NKD1: variants seen among roughly 807,000 people sequenced by gnomAD.
NKD1 encodes the protein NKD inhibitor of Wnt signaling pathway 1, also known as protein naked cuticle homolog 1.
Under a neutral mutation model 56.0 loss-of-function variants are expected in NKD1, and 21 were observed. The observed-to-expected ratio is 0.38, with a 90% confidence interval of 0.27 to 0.54. The LOEUF (loss-of-function observed/expected upper bound fraction) is 0.54. Among genes scored for constraint, NKD1 ranks in the 20% least tolerant of loss-of-function variants. The probability of loss-of-function intolerance (pLI) is 0.82; values close to 1 mark genes in which losing one functional copy is unlikely to be tolerated. For missense variants in NKD1, 578 were observed against 642.7 expected (o/e 0.90, Z 1.09); for synonymous variants, 263 against 265.7 (o/e 0.99, Z 0.10).
intron 3 of NKD1, among the ~76,000 whole-genome samples, chr16:50,559,653 G>T (rs898543241): frequency 6.6e-6 from 1 of 152,106 alleles, no homozygotes; most frequent in Non-Finnish European, 1.5e-5. Flanking sequence ...TCTCCTTGCC[G>T]CAAGTCTTCC....
chr16:50,632,285 C>T lies in NKD1; in HGVS notation c.700C>T (p.Gln234Ter). 6.2e-7 allele frequency: 1 copy of T among 1,614,130 alleles called. No homozygotes were observed. Among genetic ancestry groups the T allele is most frequent in the Non-Finnish European group, 8.5e-7 (1 of 1,179,962 alleles). Residue 234 changes from glutamine to a stop codon, truncating the protein, a stop_gained, in exon 9 of 10, where the codon CAG becomes TAG. Coordinates refer to ENST00000268459, the MANE Select transcript of NKD1 (RefSeq NM_033119.5). LOFTEE classifies it high-confidence loss of function. The surrounding 1 kb of genome is among the most constrained non-coding windows in gnomAD (Gnocchi z 4.1). ...CACTTGCCTCCCCTGCCGTAGGTTC[C>T]AGGGTGACAGCCGCCTGGAGCAGTC... ...EKKQRAPLRF[Q>*]GDSRLEQSGC...
Position 50,633,080 on chromosome 16 carries a change from T to G in NKD1, c.824-112T>G. The G allele has an allele frequency of 1.0e-6, 1 of 966,950 alleles. No individual in the cohort carries two copies. Among genetic ancestry groups the G allele is most frequent in the Non-Finnish European group, 1.5e-6 (1 of 674,934 alleles). The allele number at this position is 966,950 out of a possible 1,614,324, so 59.9% of individuals were successfully genotyped here. On this transcript the variant is annotated intron_variant, in intron 9 of 9. Transcript: ENST00000268459. The surrounding 1 kb of genome is among the most constrained non-coding windows in gnomAD (Gnocchi z 4.9). ...AGGCAGTGAGGGGCAGTCAGGGCAT[T>G]GGGGGGTAGCTCTGGTTTTGGAGAA...
intron 3 of NKD1, among the ~76,000 whole-genome samples, chr16:50,555,024 G>T (rs539445965): frequency 1.7e-4 from 26 of 152,288 alleles, no homozygotes; most frequent in Middle Eastern, 3.4e-3. Context: ...CATCCAGTCT[G>T]ATGAAGGGGA....
At chr16:50,620,160 G>A (rs763146609) in intron 4 of NKD1, among the ~76,000 whole-genome samples, 5 of 152,278 alleles carry the variant, frequency 3.3e-5, no homozygotes, top group East Asian at 1.9e-4. Flanking sequence ...GCGCCAAGGC[G>A]CAAGGACACC....
At chr16:50,609,657 A>C (rs1389201111) in intron 4 of NKD1, among the ~76,000 whole-genome samples, 1 of 152,192 alleles carries the variant, frequency 6.6e-6, no homozygotes, top group Non-Finnish European at 1.5e-5. Flanking sequence ...AGGCCTGCTG[A>C]ATCCGATCTG....
chr16:50,592,813 G>C (rs1037283291), intron 3 of NKD1, among the ~76,000 whole-genome samples: 1 of 152,104 alleles, frequency 6.6e-6, no homozygotes, highest in Admixed American at 6.5e-5. Context: ...CATGGGCTGT[G>C]GGGGAGGGCT....
intron 3 of NKD1, chr16:50,556,653 A>G (rs1349479222): frequency 1.3e-5 from 2 of 152,030 alleles, no homozygotes; most frequent in African/African-American, 4.8e-5. Flanking sequence ...CAGATTCTCC[A>G]GCTGAGAAGT....
chr16:50,625,100 G>A (rs532223367), intron 5 of NKD1: 1 of 295,776 alleles, frequency 3.4e-6, no homozygotes, highest in South Asian at 3.4e-5. Context: ...TGCTCATGCT[G>A]TCCTACCCTG....
chr16:50,548,788 G>C, intron 2 of NKD1, 39 bp downstream of exon 2: 1 of 1,360,032 alleles, frequency 7.4e-7, no homozygotes, highest in Admixed American at 4.0e-5. Context: ...GGATGGACGC[G>C]GGGGACACCG....
rs1173150924 is a variant in NKD1 at position 50,636,636 on chromosome 16, T to C, written c.*2855T>C. On this transcript the variant is annotated 3_prime_UTR_variant, in exon 10 of 10. Transcript: ENST00000268459. ...TGAAATACTGTGCCTCAGTTTCTCC[T>C]TTATAAAGGCAGGGATCATGAGAGT... 2.0e-5 allele frequency: 3 copies of C among 152,246 alleles called. No homozygotes were observed. The highest frequency in any genetic ancestry group is 4.4e-5 in the Non-Finnish European group (3 of 68,046). The allele number at this position is 152,246 out of a possible 1,614,324, so 9.4% of individuals were successfully genotyped here.
intron 3 of NKD1, chr16:50,570,759 C>T (rs1960863910): frequency 1.0e-6 from 1 of 958,256 alleles, no homozygotes; most frequent in Non-Finnish European, 1.2e-6. Flanking sequence ...CGGGGTAGGA[C>T]TTCCACTCCC....
chr16:50,606,541 T>G (rs1961713828), intron 3 of NKD1: 1 of 336,244 alleles, frequency 3.0e-6, no homozygotes, highest in East Asian at 7.5e-5. Context: ...GTGCTGAAGC[T>G]GTCATTAGGT....
chr16:50,614,516 G>A (rs970965045), intron 4 of NKD1, among the ~76,000 whole-genome samples: 2 of 152,180 alleles, frequency 1.3e-5, no homozygotes, highest in East Asian at 3.9e-4. Flanking sequence ...CCAGCTCTGG[G>A]CACTCCCATC....
Position 50,609,709 on chromosome 16 carries a change from C to T in NKD1, c.259+1349C>T, listed in dbSNP as rs372050355. On this transcript the variant is annotated intron_variant, in intron 4 of 9. Coordinates refer to ENST00000268459, the MANE Select transcript of NKD1 (RefSeq NM_033119.5). ...CCAGGTGGCTTGCATGAACACTGCA[C>T]TCAGAGAAGCACTGTTTGAAGATAC... Among the ~76,000 whole-genome samples the T allele has an allele frequency of 5.9e-5, 9 of 152,314 alleles. No individual in the cohort carries two copies. The South Asian group carries it at 1.9e-3, about 32-fold the overall frequency.
intron 4 of NKD1, 52 bp downstream of exon 4, chr16:50,608,412 G>C (rs1384578244): frequency 7.6e-7 from 1 of 1,321,640 alleles, no homozygotes. Context: ...GGGGAAGCGG[G>C]TGTTCAGCTG....
intron 3 of NKD1, among the ~76,000 whole-genome samples, chr16:50,582,454 C>A (rs1961137810): frequency 6.6e-6 from 1 of 152,198 alleles, no homozygotes; most frequent in South Asian, 2.1e-4. Context: ...TTGCCTCATA[C>A]CTTCCAGACA....
At chr16:50,575,341 G>T in intron 3 of NKD1, 2 of 985,364 alleles carry the variant, frequency 2.0e-6, no homozygotes, top group Non-Finnish European at 2.4e-6. Context: ...TTGCTTCATA[G>T]GCCAGAGCCG....
chr16:50,566,212 A>G lies in NKD1; in HGVS notation c.192+16657A>G, dbSNP rs573821201. ...CCTTGTCAACTGTTTCATACAGTCA[A>G]GTTCTTGGCTTGTGTAACCAGGGAG... On this transcript the variant is annotated intron_variant, in intron 3 of 9. Coordinates refer to ENST00000268459, the MANE Select transcript of NKD1 (RefSeq NM_033119.5). 5.1e-6 allele frequency: 5 copies of G among 984,664 alleles called. No individual in the cohort carries two copies. The African/African-American group carries it at 5.2e-5, about 10-fold the overall frequency. The allele number at this position is 984,664 out of a possible 1,614,324, so 61.0% of individuals were successfully genotyped here.
At chr16:50,562,374 A>C (rs1186791563) in intron 3 of NKD1, 2 of 594,048 alleles carry the variant, frequency 3.4e-6, no homozygotes, top group Non-Finnish European at 4.2e-6. Context: ...TCCCTGAGGA[A>C]TGGAGAATTT....
Sources: allele counts gnomAD v4.1 joint callset (sites outside exome capture counted in the v4.1 genomes callset), GRCh38; gene constraint gnomAD v4.1.1; non-coding constraint Gnocchi (gnomAD v3.1); transcripts MANE v1.5; gene names NCBI Gene and HGNC (gene_info 2026-07-23, HGNC 2026-07-21).